Variants in DPYSL4 observed in about 807,000 individuals in gnomAD.
DPYSL4 encodes dihydropyrimidinase-related protein 4.
In DPYSL4, 43 loss-of-function variants were observed where a neutral mutation model predicts 63.4. That is an observed-to-expected ratio of 0.68 (90% CI 0.53 to 0.88). The LOEUF is 0.88. Ranked by LOEUF, DPYSL4 falls within the 40% of genes least tolerant of loss-of-function variation. The pLI, the probability that DPYSL4 is intolerant of heterozygous loss-of-function variation, is 0.00. For missense variants in DPYSL4, 733 were observed against 819.5 expected, an observed-to-expected ratio of 0.89 and a Z score of 1.29; for synonymous variants, 353 against 331.7, an observed-to-expected ratio of 1.06 and a Z score of -0.70.
At chr10:132,200,601 G>A (rs970525705) in intron 9 of DPYSL4, 89 bp downstream of exon 9, 34 of 1,524,824 alleles carry the variant, frequency 2.2e-5, no homozygotes, top group Non-Finnish European at 2.4e-5. Flanking sequence ...CCTCTCCCAC[G>A]GCTCCCATAG....
In DPYSL4 at chr10:132,194,434, C is replaced by T. The variant is rs191311755; in HGVS notation, c.314-411C>T. 4.6e-5 allele frequency among the ~76,000 whole-genome samples: 7 copies of T among 152,300 alleles called. No individual in the cohort carries two copies. In the East Asian group the frequency reaches 1.4e-3, roughly 29 times the overall value. ...AGCTCCCACTGTTCTAGGAAGGCAC[C>T]CAGAGGTGGGGCCCAGCACCTTGGA... On this transcript the variant is annotated intron_variant, in intron 3 of 13. Coordinates refer to ENST00000338492, the MANE Select transcript of DPYSL4 (RefSeq NM_006426.3).
At position 132,204,075 on chromosome 10, in the gene DPYSL4, T is replaced by C. The variant is rs554025765; in HGVS notation, c.1627+148T>C. 157 of 1,092,690 alleles carry C rather than the reference T, an allele frequency of 1.4e-4. No individual in the cohort carries two copies. In the East Asian group the frequency reaches 4.0e-3, roughly 28 times the overall value. The allele number at this position is 1,092,690 out of a possible 1,614,324, so 67.7% of individuals were successfully genotyped here. On this transcript the variant is annotated intron_variant, in intron 13 of 13. Transcript: ENST00000338492. ...GGGGCAGGAGATGCTGCTGGGGGTG[T>C]TGTGGGGGCCAAGGGCTGAGCCCAG...
intron 8 of DPYSL4, 22 bp downstream of exon 8, chr10:132,198,993 T>C: frequency 6.3e-7 from 1 of 1,592,174 alleles, no homozygotes; most frequent in Non-Finnish European, 8.6e-7. Flanking sequence ...GCCCCGCCTC[T>C]GATGCCGAGG....
intron 12 of DPYSL4, chr10:132,203,492 A>AG: frequency 2.0e-6 from 1 of 502,744 alleles, no homozygotes; most frequent in South Asian, 3.3e-5. Flanking sequence ...GGTAAGACTG[A>AG]GGGGAGGGAC....
intron 3 of DPYSL4, among the ~76,000 whole-genome samples, chr10:132,193,988 C>T (rs571466758): frequency 2.0e-5 from 3 of 152,376 alleles, no homozygotes; most frequent in South Asian, 2.1e-4. Flanking sequence ...CCGGTCAGGA[C>T]GTCTGCACAG....
rs115782691 is a variant in DPYSL4, at chr10:132,204,773, C to T, written c.1628-66C>T. ...TGACGCAGCCACTGACTCTGCCTCA[C>T]GCCTTGAATAGAAGGGCCCCTGCCC... On this transcript the variant is annotated intron_variant, in intron 13 of 13. Coordinates refer to ENST00000338492, the MANE Select transcript of DPYSL4 (RefSeq NM_006426.3). 2.4e-3 allele frequency: 3,446 copies of T among 1,413,800 alleles called. 78 individuals are homozygous for T. In the African/African-American group the frequency reaches 0.042, roughly 17 times the overall value. 87.6% of individuals were successfully genotyped at this position (1,413,800 alleles called of 1,614,324 possible).
chr10:132,194,621 A>C (rs1229883686), intron 3 of DPYSL4, among the ~76,000 whole-genome samples: 1 of 150,304 alleles, frequency 6.7e-6, no homozygotes, highest in Non-Finnish European at 1.5e-5. Flanking sequence ...TTCTGTGCTC[A>C]GAGGGTGGCT....
rs565317135 is a variant in DPYSL4, at chr10:132,204,869, G to A, written c.1658G>A (p.Arg553His). 9 of 1,612,502 alleles carry A rather than the reference G, an allele frequency of 5.6e-6. No individual in the cohort carries two copies. The highest frequency in any genetic ancestry group is 2.2e-5 in the East Asian group (1 of 44,812). ...GSQADDHIAR[R>H]TAQKIMAPPG... ...CAGGCTGATGACCACATCGCCCGAC[G>A]CACAGCACAGAAGATCATGGCACCA... The change falls in exon 14 of 14, where the codon CGC becomes CAC. Residue 553 changes from arginine (R) to histidine (H), a missense_variant. Physicochemically the swap from Arg to His is conservative, Grantham distance 29. Transcript: ENST00000338492.
Position 132,190,816 on chromosome 10 carries a change from G to A in DPYSL4, c.109G>A (p.Val37Met), listed in dbSNP as rs760145755. 2.9e-5 allele frequency: 46 copies of A among 1,613,360 alleles called. No individual in the cohort carries two copies. Among genetic ancestry groups the A allele is most frequent in the South Asian group, 2.6e-4 (24 of 91,078 alleles). ...DDQSFYADVH[V>M]EDGLIKQIGE... ...CCAGTCCTTTTACGCTGATGTGCACGTGGAAGATGGCTTGATAAAGTAAGT... is the reference window on the plus strand; with the variant it reads ...CCAGTCCTTTTACGCTGATGTGCACATGGAAGATGGCTTGATAAAGTAAGT... Residue 37 changes from valine (V) to methionine (M), a missense_variant, in exon 2 of 14, where the codon GTG (valine) becomes ATG (methionine). By Grantham distance (21) the Val-to-Met change is conservative. Coordinates refer to ENST00000338492, the MANE Select transcript of DPYSL4 (RefSeq NM_006426.3).
chr10:132,190,542 C>T (rs993830060), intron 1 of DPYSL4, among the ~76,000 whole-genome samples: 3 of 152,254 alleles, frequency 2.0e-5, no homozygotes, highest in South Asian at 2.1e-4. Context: ...GTGGGGCGTG[C>T]GTGGCACTTC....
intron 3 of DPYSL4, 82 bp downstream of exon 3, chr10:132,192,924 G>T: frequency 1.4e-6 from 2 of 1,413,410 alleles, no homozygotes; most frequent in African/African-American, 1.4e-5. Context: ...GTGGGAGGAG[G>T]AGTGTCGCCT....
chr10:132,193,555 C>T (rs1289827636), intron 3 of DPYSL4, among the ~76,000 whole-genome samples: 1 of 152,232 alleles, frequency 6.6e-6, no homozygotes, highest in East Asian at 1.9e-4. Flanking sequence ...ACCTTGACTG[C>T]ACTGTGTGGC....
rs753042336 is a variant in DPYSL4 at position 132,204,917 on chromosome 10, C to CCT, written c.1714_1715dup (p.Ter573ProfsTer9). 4.3e-6 allele frequency: 7 copies of CCT among 1,611,400 alleles called. No individual in the cohort carries two copies. Among genetic ancestry groups the CCT allele is most frequent in the Non-Finnish European group, 5.9e-6 (7 of 1,178,678 alleles). ...CCACCTGGCGGCCGCTCCAACATCA[C>CCT]CTCTCTCTCCTAGACGCCCAGGACC... On this transcript the variant is annotated frameshift_variant, in exon 14 of 14. Transcript: ENST00000338492. LOFTEE classifies it high-confidence loss of function.
In DPYSL4 at chr10:132,203,751, C is replaced by T. The variant is rs773827619; in HGVS notation, c.1462-11C>T. 6 of 1,594,610 alleles carry T rather than the reference C, an allele frequency of 3.8e-6. No individual in the cohort carries two copies. The Admixed American group carries it at 6.7e-5, about 18-fold the overall frequency. ...CCTCATGCCCTGTCTCTGCCCCCAC[C>T]CCCCCGGCAGCTGGCGGAGATCCAC... is the stretch of plus-strand genomic sequence containing the variant. On this transcript the variant is annotated splice_polypyrimidine_tract_variant and intron_variant, in intron 12 of 13. Transcript: ENST00000338492.
At position 132,203,102 on chromosome 10, in the gene DPYSL4, G is replaced by A. The variant is rs79021976; in HGVS notation, c.1461+277G>A. Among the ~76,000 whole-genome samples, 798 of 152,354 alleles carry A rather than the reference G, an allele frequency of 5.2e-3. 7 individuals are homozygous for A. Among genetic ancestry groups the A allele is most frequent in the African/African-American group, 0.018 (741 of 41,580 alleles). ...GCTGGGTCCCACCCAAGTCATCCAC[G>A]GTTGTTAGAGAAAATACAGATATAA... On this transcript the variant is annotated intron_variant, in intron 12 of 13. Transcript: ENST00000338492.
intron 1 of DPYSL4, among the ~76,000 whole-genome samples, chr10:132,188,541 A>G (rs905733678): frequency 6.6e-6 from 1 of 152,148 alleles, no homozygotes; most frequent in Non-Finnish European, 1.5e-5. Context: ...GTCAGGGCTG[A>G]GCCTGGCGCT....
At chr10:132,198,146 T>C (rs914944672) in intron 6 of DPYSL4, among the ~76,000 whole-genome samples, 2 of 151,912 alleles carry the variant, frequency 1.3e-5, no homozygotes, top group Non-Finnish European at 2.9e-5. Context: ...GAGGGTGGGG[T>C]CTTGGTGCCA....
intron 8 of DPYSL4, among the ~76,000 whole-genome samples, chr10:132,200,018 G>A (rs1473063306): frequency 1.3e-5 from 2 of 152,190 alleles, no homozygotes; most frequent in Non-Finnish European, 2.9e-5. Flanking sequence ...CCCCCGGCCA[G>A]TCAGCCGCCA....
chr10:132,186,994 T>TCCGGGCCCCCCCC lies in DPYSL4; in HGVS notation c.-68_-67insGGGCCCCCCCCCC. ...CCACGCACGCGTCCCGGCTCACGCG[T>TCCGGGCCCCCCCC]CCCCCCGCCCGCCCGCCCGCCCGCC... On this transcript the variant is annotated 5_prime_UTR_variant, in exon 1 of 14. Transcript: ENST00000338492. 1 of 217,372 alleles carries TCCGGGCCCCCCCC rather than the reference T, an allele frequency of 4.6e-6. No homozygotes were observed. The highest frequency in any genetic ancestry group is 9.1e-6 in the Non-Finnish European group (1 of 109,622). 13.5% of individuals were successfully genotyped at this position (217,372 alleles called of 1,614,324 possible). A position where few individuals can be genotyped will look rare whatever the true frequency, so the allele number is the denominator to read the frequency against.
Sources: gnomAD v4.1 joint callset for allele counts (sites outside exome capture counted in the v4.1 genomes callset) on GRCh38, gnomAD v4.1.1 for gene constraint, MANE v1.5 for transcripts, NCBI Gene and HGNC (gene_info 2026-07-23, HGNC 2026-07-21) for gene names.